Variants in B3GALT1 observed in about 807,000 individuals in gnomAD.
B3GALT1 encodes beta-1,3-galactosyltransferase 1, also known as UDP-Gal:betaGlcNAc beta 1,3-galactosyltransferase, polypeptide 1.
In B3GALT1, 10 loss-of-function variants were observed where a neutral mutation model predicts 23.2. The ratio of observed to expected loss-of-function variants is 0.43; its 90% CI spans 0.27 to 0.73. B3GALT1 has a LOEUF of 0.73. Ranked by LOEUF, B3GALT1 falls within the 30% of genes least tolerant of loss-of-function variation. The probability of loss-of-function intolerance (pLI) is 0.21; values close to 1 mark genes in which losing one functional copy is unlikely to be tolerated. For synonymous variants in B3GALT1, 156 were observed against 141.5 expected (o/e 1.10, Z -0.73); for missense variants, 299 against 405.4 (o/e 0.74, Z 2.25).
At chr2:167,711,285 C>G (rs998988767) in intron 3 of B3GALT1, among the ~76,000 whole-genome samples, 1 of 152,320 alleles carries the variant, frequency 6.6e-6, no homozygotes, top group East Asian at 1.9e-4. Flanking sequence ...CATCACTCCT[C>G]TGTTTTATAT....
chr2:167,749,008 C>T (rs762386052), intron 3 of B3GALT1, among the ~76,000 whole-genome samples: 1 of 152,098 alleles, frequency 6.6e-6, no homozygotes, highest in African/African-American at 2.4e-5. Context: ...AGTCCAAAGA[C>T]ACCTATAAAT....
chr2:167,538,992 A>G (rs188097302), intron 2 of B3GALT1, among the ~76,000 whole-genome samples: 6 of 152,308 alleles, frequency 3.9e-5, no homozygotes, highest in Admixed American at 3.3e-4. Context: ...TGTTACTTGT[A>G]TAAAAAATTC....
chr2:167,841,215 A>G (rs947298439), intron 4 of B3GALT1, among the ~76,000 whole-genome samples: 6 of 150,824 alleles, frequency 4.0e-5, no homozygotes, highest in Admixed American at 4.0e-4. Flanking sequence ...ATATGCCTTC[A>G]CCACAAAGAA....
At chr2:167,347,146 T>G (rs1040601714) in intron 1 of B3GALT1, among the ~76,000 whole-genome samples, 2 of 152,220 alleles carry the variant, frequency 1.3e-5, no homozygotes, top group Admixed American at 1.3e-4. Context: ...TTATGGATTC[T>G]AATAAAAGTA....
chr2:167,821,459 G>A (rs1309103663), intron 4 of B3GALT1, among the ~76,000 whole-genome samples: 8 of 135,784 alleles, frequency 5.9e-5, no homozygotes, highest in South Asian at 2.3e-4. Context: ...TTTTTGAGAC[G>A]GAGTTTCACT....
At chr2:167,541,602 A>C (rs573781340) in intron 2 of B3GALT1, among the ~76,000 whole-genome samples, 3 of 152,252 alleles carry the variant, frequency 2.0e-5, no homozygotes, top group Admixed American at 2.0e-4. Context: ...AATTCTCTAC[A>C]TTCTTTTTAT....
At chr2:167,579,432 C>CTTTTTTTTTTTTTTTTTTTTTTTT (rs71395297) in intron 2 of B3GALT1, among the ~76,000 whole-genome samples, 12 of 109,044 alleles carry the variant, frequency 1.1e-4, no homozygotes, top group African/African-American at 1.5e-4. Context: ...TTTTTTTTGT[C>CTTTTTTTTTTTTTTTTTTTTTTTT]TTTTTTTTTT....
In B3GALT1 at chr2:167,381,732, A is replaced by G. The variant is rs573189879; in HGVS notation, c.-511+88398A>G. Among the ~76,000 whole-genome samples, 10 of 152,374 alleles carry G rather than the reference A, an allele frequency of 6.6e-5. No homozygotes were observed. The South Asian group carries it at 1.9e-3, about 28-fold the overall frequency. ...ACTTTATGAAGATATGTTAGTTATT[A>G]TACAACAGAAACTATGGGGAACAAG... is the stretch of plus-strand genomic sequence containing the variant. On this transcript the variant is annotated intron_variant, in intron 1 of 4. Transcript: ENST00000392690.
intron 1 of B3GALT1, among the ~76,000 whole-genome samples, chr2:167,479,431 G>A (rs1699531844): frequency 6.6e-6 from 1 of 152,144 alleles, no homozygotes; most frequent in South Asian, 2.1e-4. Flanking sequence ...GTTACTATTT[G>A]ATTATTTAAG....
At chr2:167,812,888 T>G (rs924789512) in intron 3 of B3GALT1, among the ~76,000 whole-genome samples, 1 of 151,996 alleles carries the variant, frequency 6.6e-6, no homozygotes, top group African/African-American at 2.4e-5. Flanking sequence ...AGCTTTGCTC[T>G]TAATTATCAA....
At position 167,737,308 on chromosome 2, in the gene B3GALT1, A is replaced by G. The variant is rs545358782; in HGVS notation, c.-351-81364A>G. Among the ~76,000 whole-genome samples the G allele has an allele frequency of 4.8e-4, 73 of 152,370 alleles. 1 individual carries two copies. In the South Asian group the frequency reaches 0.015, roughly 31 times the overall value. On this transcript the variant is annotated intron_variant, in intron 3 of 4. Coordinates refer to ENST00000392690, the MANE Select transcript of B3GALT1 (RefSeq NM_020981.4). The stretch of plus-strand genomic sequence containing the variant: ...ACATTAGTTAATTTTCCTTTATCAC[A>G]TAACTAAAAAGAGCTTGACTTCAAA...
At position 167,566,144 on chromosome 2, in the gene B3GALT1, A is replaced by G. The variant is rs1181325327; in HGVS notation, c.-410+75867A>G. On this transcript the variant is annotated intron_variant, in intron 2 of 4. Transcript: ENST00000392690. ...AGACTGGATTAAGAAAATGTGGTAC[A>G]TATACACCATGGAATACTATGCAGC... Among the ~76,000 whole-genome samples, 5 of 152,342 alleles carry G rather than the reference A, an allele frequency of 3.3e-5. No individual in the cohort carries two copies. The East Asian group carries it at 9.6e-4, about 29-fold the overall frequency.
chr2:167,358,741 A>G (rs562934062), intron 1 of B3GALT1, among the ~76,000 whole-genome samples: 77 of 152,316 alleles, frequency 5.1e-4, no homozygotes, highest in Admixed American at 9.8e-4. Context: ...AATTTTACCT[A>G]TATGGGTTGC....
intron 3 of B3GALT1, chr2:167,713,803 T>A: frequency 1.9e-6 from 3 of 1,593,276 alleles, no homozygotes; most frequent in Non-Finnish European, 2.6e-6. Context: ...AACCCCTCTG[T>A]GGATAGATGT....
chr2:167,766,591 C>T (rs1483911496), intron 3 of B3GALT1, among the ~76,000 whole-genome samples: 3 of 152,086 alleles, frequency 2.0e-5, no homozygotes, highest in African/African-American at 7.2e-5. Flanking sequence ...AAAAGGAATG[C>T]TCTTTATAGA....
chr2:167,306,296 G>A (rs1696551088), intron 1 of B3GALT1, among the ~76,000 whole-genome samples: 1 of 151,816 alleles, frequency 6.6e-6, no homozygotes, highest in Non-Finnish European at 1.5e-5. Context: ...ATATAAAAAT[G>A]CACATGCTTT....
chr2:167,567,774 C>T (rs1300604848), intron 2 of B3GALT1, among the ~76,000 whole-genome samples: 1 of 152,032 alleles, frequency 6.6e-6, no homozygotes, highest in Non-Finnish European at 1.5e-5. Flanking sequence ...TTAGGATTCA[C>T]TCTTGGTGTT....
chr2:167,367,466 C>T (rs1473442280), intron 1 of B3GALT1, among the ~76,000 whole-genome samples: 1 of 152,118 alleles, frequency 6.6e-6, no homozygotes, highest in East Asian at 1.9e-4. Context: ...GCCTCTCATT[C>T]GTATTACCAT....
chr2:167,552,737 C>G (rs564948455), intron 2 of B3GALT1, among the ~76,000 whole-genome samples: 76 of 152,284 alleles, frequency 5.0e-4, no homozygotes, highest in Middle Eastern at 3.4e-3. Flanking sequence ...GTGGCTTTGA[C>G]TTTCTCCAAG....
Sources: gnomAD v4.1 joint callset for allele counts (sites outside exome capture counted in the v4.1 genomes callset) on GRCh38, gnomAD v4.1.1 for gene constraint, MANE v1.5 for transcripts, NCBI Gene and HGNC (gene_info 2026-07-23, HGNC 2026-07-21) for gene names.